The following PRELID2 variants were observed in gnomAD, a reference collection of about 807,000 sequenced individuals.
PRELID2 encodes PRELI domain containing 2, also known as PRELI domain-containing protein 2.
A neutral mutation model predicts 28.4 loss-of-function variants in PRELID2; 25 were observed. The observed-to-expected ratio is 0.88, with a 90% CI of 0.64 to 1.23. PRELID2 has a LOEUF of 1.23. PRELID2 is among the 50% of genes most tolerant of loss of function. The probability of loss-of-function intolerance (pLI) is 0.00; values close to 1 mark genes in which losing one functional copy is unlikely to be tolerated. For synonymous variants in PRELID2, 76 were observed against 71.6 expected (o/e 1.06, Z -0.31); for missense variants, 201 against 214.4 (o/e 0.94, Z 0.39).
chr5:145,596,487 G>C (rs1265340099), intron 1 of PRELID2, among the ~76,000 whole-genome samples: 1 of 151,922 alleles, frequency 6.6e-6, no homozygotes, highest in African/African-American at 2.4e-5. Context: ...TTTCAAATGA[G>C]AAGAATATCA....
the PRELID2 span, among the ~76,000 whole-genome samples, chr5:145,342,402 T>C: frequency 1.3e-5 from 2 of 151,858 alleles, no homozygotes; most frequent in African/African-American, 2.4e-5. Context: ...ACCACAATTA[T>C]AAACAAGAGA....
At chr5:145,741,252 T>A (rs1204341134) in intron 1 of PRELID2, among the ~76,000 whole-genome samples, 1 of 112,392 alleles carries the variant, frequency 8.9e-6, no homozygotes, top group Non-Finnish European at 1.6e-5. Context: ...ATATATAATA[T>A]ATAAATAATA....
At chr5:145,273,440 T>C in the PRELID2 span, among the ~76,000 whole-genome samples, 6 of 151,198 alleles carry the variant, frequency 4.0e-5, no homozygotes, top group Non-Finnish European at 7.4e-5. Context: ...GAGCCAGAGG[T>C]TGAGAGGAAG....
At chr5:145,762,953 A>G (rs756424630) in intron 6 of PRELID2, among the ~76,000 whole-genome samples, 8 of 152,220 alleles carry the variant, frequency 5.3e-5, no homozygotes, top group Non-Finnish European at 1.0e-4. Flanking sequence ...CAGGACCAGG[A>G]TCACCATCAC....
the PRELID2 span, among the ~76,000 whole-genome samples, chr5:145,444,667 C>G: frequency 0.04 from 6,130 of 152,028 alleles, 188 homozygotes; most frequent in South Asian, 0.14. Context: ...GAATAAAACT[C>G]AAAGACACAC....
At chr5:145,379,045 G>T in the PRELID2 span, among the ~76,000 whole-genome samples, 1 of 151,988 alleles carries the variant, frequency 6.6e-6, no homozygotes, top group South Asian at 2.1e-4. Context: ...CTCGTATAAG[G>T]TTGATTCAGC....
At chr5:145,542,849 T>C in intron 1 of PRELID2, among the ~76,000 whole-genome samples, 1 of 151,928 alleles carries the variant, frequency 6.6e-6, no homozygotes, top group East Asian at 1.9e-4. Context: ...ATGGTACGCT[T>C]TTGTTAATGC....
chr5:145,581,760 G>A (rs775461678), intron 1 of PRELID2, among the ~76,000 whole-genome samples: 1 of 151,986 alleles, frequency 6.6e-6, no homozygotes, highest in Non-Finnish European at 1.5e-5. Flanking sequence ...GAGCTTTCAG[G>A]AAACCTGAGT....
the PRELID2 span, among the ~76,000 whole-genome samples, chr5:145,303,179 C>T: frequency 2.2e-3 from 336 of 152,044 alleles, 2 homozygotes; most frequent in African/African-American, 7.8e-3. Flanking sequence ...TGTAAAGCAC[C>T]CCAAAAAGTA....
the PRELID2 span, among the ~76,000 whole-genome samples, chr5:145,466,229 C>T: frequency 6.6e-6 from 1 of 152,098 alleles, no homozygotes; most frequent in Non-Finnish European, 1.5e-5. Context: ...ATTCACTTTA[C>T]TATAGAAACC....
At chr5:145,495,626 A>G (rs76608825) in intron 1 of PRELID2, among the ~76,000 whole-genome samples, 2 of 152,196 alleles carry the variant, frequency 1.3e-5, no homozygotes, top group Non-Finnish European at 2.9e-5. Context: ...TTCTTTAGAA[A>G]TTCTCACAGC....
At chr5:145,712,490 C>G (rs904559944) in intron 1 of PRELID2, among the ~76,000 whole-genome samples, 1 of 152,164 alleles carries the variant, frequency 6.6e-6, no homozygotes, top group Non-Finnish European at 1.5e-5. Context: ...TGTTAAACAT[C>G]AACTAGCCCG....
chr5:145,318,561 C>G, the PRELID2 span, among the ~76,000 whole-genome samples: 1 of 152,188 alleles, frequency 6.6e-6, no homozygotes, highest in Non-Finnish European at 1.5e-5. Context: ...TCCCTGGCCC[C>G]CCTCACAAGA....
chr5:145,467,829 T>C (rs2126601013), downstream of PRELID2, among the ~76,000 whole-genome samples: 1 of 152,002 alleles, frequency 6.6e-6, no homozygotes, highest in African/African-American at 2.4e-5. Context: ...TCATGCCATA[T>C]ATGCTTTTTT....
the PRELID2 span, among the ~76,000 whole-genome samples, chr5:145,424,324 C>G: frequency 9.2e-5 from 14 of 152,194 alleles, no homozygotes; most frequent in Admixed American, 3.3e-4. Flanking sequence ...GGCGGGCGCC[C>G]CTCCCCCAGC....
At chr5:145,730,868 C>T (rs1756323602) in intron 1 of PRELID2, among the ~76,000 whole-genome samples, 1 of 152,070 alleles carries the variant, frequency 6.6e-6, no homozygotes, top group South Asian at 2.1e-4. Flanking sequence ...AGATGACATC[C>T]CTCTGGCCGG....
At chr5:145,664,708 T>C (rs1378711662) in intron 1 of PRELID2, among the ~76,000 whole-genome samples, 1 of 152,138 alleles carries the variant, frequency 6.6e-6, no homozygotes, top group Non-Finnish European at 1.5e-5. Flanking sequence ...TCAAGGTGGC[T>C]CTGGCAAAAC....
chr5:145,417,454 A>C, the PRELID2 span, among the ~76,000 whole-genome samples: 1 of 152,132 alleles, frequency 6.6e-6, no homozygotes, highest in East Asian at 1.9e-4. Flanking sequence ...AAAAAAGAAA[A>C]TATCAGACCA....
chr5:145,534,124 T>A (rs771615410), intron 1 of PRELID2, among the ~76,000 whole-genome samples: 24 of 152,078 alleles, frequency 1.6e-4, no homozygotes, highest in Admixed American at 3.9e-4. Flanking sequence ...AACAAAGTTA[T>A]ATAGTTAGAA....
Sources: allele counts gnomAD v4.1 joint callset (sites outside exome capture counted in the v4.1 genomes callset), GRCh38; gene constraint gnomAD v4.1.1; transcripts MANE v1.5; gene names NCBI Gene and HGNC (gene_info 2026-07-23, HGNC 2026-07-21).